The following PIK3R4 variants were observed in gnomAD, a reference collection of about 807,000 sequenced individuals.
PIK3R4 encodes phosphoinositide-3-kinase regulatory subunit 4.
In PIK3R4, 46 loss-of-function variants were observed where a neutral mutation model predicts 136.5. The observed-to-expected ratio is 0.34, with a 90% confidence interval of 0.27 to 0.43. PIK3R4 has a LOEUF of 0.43. Among genes scored for constraint, PIK3R4 ranks in the 20% least tolerant of loss-of-function variants. The pLI is 1.00. For missense variants in PIK3R4, 1,331 were observed against 1,649.5 expected, an observed-to-expected ratio of 0.81 and a Z score of 3.35; for synonymous variants, 557 against 566.7, an observed-to-expected ratio of 0.98 and a Z score of 0.24.
intron 3 of PIK3R4, among the ~76,000 whole-genome samples, chr3:130,735,644 T>C (rs947393327): frequency 2.6e-5 from 4 of 152,188 alleles, no homozygotes; most frequent in Admixed American, 1.3e-4. Context: ...AGTGGGAAAA[T>C]AGATAATAAA....
rs944702599 is a variant in PIK3R4 at position 130,703,802 on chromosome 3, G to C, written c.3019C>G (p.Leu1007Val). The C allele has an allele frequency of 6.2e-7, 1 of 1,612,724 alleles. No homozygotes were observed. Among genetic ancestry groups the C allele is most frequent in the African/African-American group, 1.3e-5 (1 of 74,896 alleles). The change falls in exon 13 of 20, where the codon CTT (leucine) becomes GTT (valine). Residue 1007 changes from leucine (L) to valine (V), a missense_variant. Transcript: ENST00000356763. ...NRIRVSDEHS[L>V]FATCSNDGTV... ...CCATCATTTGAACATGTTGCAAAAAGTGAGTGTTCATCAGAGACTCTAATT... is the reference window on the plus strand; with the variant it reads ...CCATCATTTGAACATGTTGCAAAAACTGAGTGTTCATCAGAGACTCTAATT...
chr3:130,692,459 A>G (rs749310969), intron 13 of PIK3R4, among the ~76,000 whole-genome samples: 8 of 152,158 alleles, frequency 5.3e-5, no homozygotes, highest in Non-Finnish European at 7.4e-5. Context: ...ACAGTCATAC[A>G]TTGTGTGGTC....
At chr3:130,679,595 C>A (rs1182359801) in intron 19 of PIK3R4, 110 bp from the exon 20 acceptor site, 2 of 695,966 alleles carry the variant, frequency 2.9e-6, no homozygotes, top group Non-Finnish European at 4.9e-6. Context: ...TAAGTTAACA[C>A]CTTTTGTAGT....
At chr3:130,684,535 C>T (rs1374916036) in intron 15 of PIK3R4, among the ~76,000 whole-genome samples, 154 bp from the exon 16 acceptor site, 1 of 152,198 alleles carries the variant, frequency 6.6e-6, no homozygotes, top group African/African-American at 2.4e-5. Flanking sequence ...GAAGCTGTCT[C>T]ACCATTTTCA....
At chr3:130,700,222 A>G (rs577403243) in intron 13 of PIK3R4, among the ~76,000 whole-genome samples, 16 of 152,304 alleles carry the variant, frequency 1.1e-4, no homozygotes, top group African/African-American at 3.6e-4. Flanking sequence ...AGCCACTCAA[A>G]AACGCTGACT....
At chr3:130,685,296 G>C (rs1218889050) in intron 15 of PIK3R4, among the ~76,000 whole-genome samples, 1 of 152,016 alleles carries the variant, frequency 6.6e-6, no homozygotes, top group Non-Finnish European at 1.5e-5. Flanking sequence ...CAAATAAGTA[G>C]GTAAGGTGAT....
At chr3:130,686,780 T>C (rs187907308) in intron 14 of PIK3R4, among the ~76,000 whole-genome samples, 1 of 152,310 alleles carries the variant, frequency 6.6e-6, no homozygotes, top group African/African-American at 2.4e-5. Context: ...CAGGATCCAA[T>C]CCAGGATAAT....
Position 130,711,807 on chromosome 3 carries a change from CCA to C in PIK3R4, c.2332-3317_2332-3316del, listed in dbSNP as rs569891125. Among the ~76,000 whole-genome samples the C allele has an allele frequency of 1.2e-4, 18 of 152,282 alleles. No individual in the cohort carries two copies. The East Asian group carries it at 3.1e-3, about 26-fold the overall frequency. On this transcript the variant is annotated intron_variant, in intron 9 of 19. Transcript: ENST00000356763. Reference sequence around the variant, plus strand: ...CAACACCCAACATAAAATTCACAATCCACAGAGAAAGAAACTCCCTGGCCGGA... The same window carrying C: ...CAACACCCAACATAAAATTCACAATCCAGAGAAAGAAACTCCCTGGCCGGA...
At chr3:130,683,235 T>TA (rs2066469657) in intron 16 of PIK3R4, among the ~76,000 whole-genome samples, 4 of 152,126 alleles carry the variant, frequency 2.6e-5, no homozygotes, top group African/African-American at 7.2e-5. Flanking sequence ...TCATTTTAGT[T>TA]AGACATGTTG....
chr3:130,746,160 G>T (rs1459689071), intron 1 of PIK3R4, among the ~76,000 whole-genome samples, 158 bp downstream of exon 1: 1 of 152,140 alleles, frequency 6.6e-6, no homozygotes. Context: ...TGCAAACTTC[G>T]CTGGTCTGCA....
chr3:130,702,311 A>G (rs1185308983), intron 13 of PIK3R4, among the ~76,000 whole-genome samples: 1 of 152,218 alleles, frequency 6.6e-6, no homozygotes. Context: ...AATATTTTAT[A>G]GTAAAATGTT....
Position 130,699,407 on chromosome 3 carries a change from A to T in PIK3R4, c.3098+4316T>A, listed in dbSNP as rs951360675. ...TGGAGATGTGCTTTTGGGGAGCTCC[A>T]ATGCCATTATGACCCCTCCACTGTC... On this transcript the variant is annotated intron_variant, in intron 13 of 19. Transcript: ENST00000356763. Among the ~76,000 whole-genome samples the T allele has an allele frequency of 2.0e-5, 3 of 152,290 alleles. No individual in the cohort carries two copies. The East Asian group carries it at 5.8e-4, about 29-fold the overall frequency.
At chr3:130,735,003 G>A (rs1368867615) in intron 3 of PIK3R4, among the ~76,000 whole-genome samples, 1 of 151,920 alleles carries the variant, frequency 6.6e-6, no homozygotes, top group Non-Finnish European at 1.5e-5. Context: ...CACTTCTTTC[G>A]CAGTTCAGAA....
In PIK3R4 at chr3:130,730,461, G is replaced by A. The variant is rs1490609754; in HGVS notation, c.1451-19C>T. ...ATGTTTTCTATAAAATAAAAAGGAA[G>A]AAAATTTATAATTACAATCTTAACT... On this transcript the variant is annotated intron_variant, in intron 4 of 19. Coordinates refer to ENST00000356763, the MANE Select transcript of PIK3R4 (RefSeq NM_014602.3). 2.0e-6 allele frequency: 3 copies of A among 1,526,000 alleles called. No individual in the cohort carries two copies. Among genetic ancestry groups the A allele is most frequent in the African/African-American group, 2.8e-5 (2 of 70,642 alleles). The allele number at this position is 1,526,000 out of a possible 1,614,324, so 94.5% of individuals were successfully genotyped here. A position where few individuals can be genotyped will look rare whatever the true frequency, so the allele number is the denominator to read the frequency against.
In PIK3R4 at chr3:130,728,881, T is replaced by G. The variant is rs574371808; in HGVS notation, c.1586-197A>C. ...AAGGATGGGAAACTGAAATATAAAG[T>G]GAAGAATATCCTAACAAGCAGATGC... On this transcript the variant is annotated intron_variant, in intron 5 of 19. Transcript: ENST00000356763. 2.3e-4 allele frequency among the ~76,000 whole-genome samples: 35 copies of G among 152,084 alleles called. 1 individual carries two copies. In the South Asian group the frequency reaches 6.7e-3, roughly 29 times the overall value.
chr3:130,723,110 AAAAG>A (rs1440287458), intron 7 of PIK3R4, among the ~76,000 whole-genome samples: 4 of 150,258 alleles, frequency 2.7e-5, no homozygotes, highest in African/African-American at 7.3e-5. Flanking sequence ...AAAAATAAAA[AAAAG>A]AAAGCCAAAA....
At chr3:130,690,256 AG>A (rs1376837146) in intron 14 of PIK3R4, among the ~76,000 whole-genome samples, 1 of 152,252 alleles carries the variant, frequency 6.6e-6, no homozygotes, top group Non-Finnish European at 1.5e-5. Flanking sequence ...ACAAGTTTGC[AG>A]AAGATAAGAT....
At chr3:130,682,090 G>A (rs1307058648) in intron 16 of PIK3R4, among the ~76,000 whole-genome samples, 1 of 152,126 alleles carries the variant, frequency 6.6e-6, no homozygotes, top group Non-Finnish European at 1.5e-5. Flanking sequence ...GCTAAATAAT[G>A]GCCCCAAAGG....
Position 130,690,477 on chromosome 3 carries a change from AAAGAT to A in PIK3R4, c.3263+8_3263+12del, listed in dbSNP as rs2066510730. The A allele has an allele frequency of 6.3e-7, 1 of 1,599,332 alleles. No homozygotes were observed. Among genetic ancestry groups the A allele is most frequent in the Non-Finnish European group, 8.5e-7 (1 of 1,171,466 alleles). ...CTAAATACAATGTTTAAGAAAGACA[AAAGAT>A]AAGATACCTGCTTTGTAGAGGATGG... On this transcript the variant is annotated splice_region_variant and intron_variant, in intron 14 of 19. Coordinates refer to ENST00000356763, the MANE Select transcript of PIK3R4 (RefSeq NM_014602.3).
Sources: allele counts gnomAD v4.1 joint callset (sites outside exome capture counted in the v4.1 genomes callset), GRCh38; gene constraint gnomAD v4.1.1; transcripts MANE v1.5; gene names NCBI Gene and HGNC (gene_info 2026-07-23, HGNC 2026-07-21).